HIKESHI: variants seen among roughly 807,000 people sequenced by gnomAD.
The protein encoded by HIKESHI is heat shock protein nuclear import factor hikeshi.
HIKESHI carries 13 observed loss-of-function variants against 25.7 expected under a neutral mutation model. The ratio of observed to expected loss-of-function variants is 0.51; its 90% CI spans 0.33 to 0.80. HIKESHI has a LOEUF of 0.80. Ranked by LOEUF, HIKESHI falls within the 30% of genes least tolerant of loss-of-function variation. The pLI is 0.02. For synonymous variants in HIKESHI, 76 were observed against 78.7 expected (o/e 0.97, Z 0.18); for missense variants, 174 against 229.5 (o/e 0.76, Z 1.56).
Position 86,306,478 on chromosome 11 carries a change from A to G in HIKESHI, c.264A>G (p.Lys88=). ...CCATCTTCAAAATTTCAGGTCTTAA[A>G]TCTGGTAAGAATAATATATTAAAGT... The part of the protein sequence containing the change: ...PSAIFKISGL[K]SGEGSQHPFG... Residue 88 remains lysine, a synonymous_variant, in exon 2 of 5, where the codon AAA becomes AAG. Transcript: ENST00000278483. 1 of 1,571,816 alleles carries G rather than the reference A, an allele frequency of 6.4e-7. No individual in the cohort carries two copies. Among genetic ancestry groups the G allele is most frequent in the East Asian group, 2.2e-5 (1 of 44,652 alleles).
chr11:86,338,218 C>T (rs1436021807), intron 3 of HIKESHI, among the ~76,000 whole-genome samples: 3 of 152,226 alleles, frequency 2.0e-5, no homozygotes, highest in East Asian at 3.9e-4. Context: ...CATCATTCTA[C>T]TGTCTGCTTC....
At chr11:86,331,328 A>C (rs543467698) in intron 2 of HIKESHI, among the ~76,000 whole-genome samples, 1 of 152,232 alleles carries the variant, frequency 6.6e-6, no homozygotes, top group African/African-American at 2.4e-5. Context: ...ATGTCTACTA[A>C]AAATACAAAA....
At chr11:86,342,817 C>T (rs1053702013) in intron 3 of HIKESHI, among the ~76,000 whole-genome samples, 5 of 151,392 alleles carry the variant, frequency 3.3e-5, no homozygotes, top group African/African-American at 9.7e-5. Flanking sequence ...GTTTATTTGC[C>T]TGTCTCTTTG....
intron 2 of HIKESHI, among the ~76,000 whole-genome samples, chr11:86,328,473 CG>C (rs569934341): frequency 2.4e-4 from 36 of 150,798 alleles, no homozygotes; most frequent in African/African-American, 8.3e-4. Context: ...GCTCTGTTGC[CG>C]AGGCTGGTGT....
intron 2 of HIKESHI, among the ~76,000 whole-genome samples, chr11:86,337,044 T>C (rs894181161): frequency 1.1e-4 from 16 of 152,196 alleles, no homozygotes; most frequent in Admixed American, 2.0e-4. Context: ...AAGTCATTGC[T>C]GGCAGACCTG....
intron 2 of HIKESHI, among the ~76,000 whole-genome samples, chr11:86,325,184 A>C (rs1947242764): frequency 6.6e-6 from 1 of 152,110 alleles, no homozygotes; most frequent in African/African-American, 2.4e-5. Context: ...TCTCAAAAAA[A>C]AAGGAAAAAA....
chr11:86,303,002 A>C (rs769193304), intron 1 of HIKESHI, among the ~76,000 whole-genome samples: 5 of 152,200 alleles, frequency 3.3e-5, no homozygotes, highest in Non-Finnish European at 7.3e-5. Context: ...AGTAAAAATA[A>C]GCTTAATTTA....
In HIKESHI at chr11:86,328,903, GTT is replaced by G. The variant is rs1331135355; in HGVS notation, c.269-8473_269-8472del. 1.3e-4 allele frequency among the ~76,000 whole-genome samples: 15 copies of G among 112,366 alleles called. No individual in the cohort carries two copies. In the East Asian group the frequency reaches 4.8e-3, roughly 36 times the overall value. The allele number at this position is 112,366 out of a possible 152,430, so 73.7% of individuals were successfully genotyped here. ...CACATTTCTTTCCATTGTGTTTTGTGTTTTGTGTGTGTGTGTGTGTGTGTGCG... is the reference window on the plus strand; with the variant it reads ...CACATTTCTTTCCATTGTGTTTTGTGTTGTGTGTGTGTGTGTGTGTGTGCG... On this transcript the variant is annotated intron_variant, in intron 2 of 4. Coordinates refer to ENST00000278483, the MANE Select transcript of HIKESHI (RefSeq NM_016401.4).
At chr11:86,327,955 T>A (rs1947325259) in intron 2 of HIKESHI, among the ~76,000 whole-genome samples, 1 of 152,154 alleles carries the variant, frequency 6.6e-6, no homozygotes. Flanking sequence ...GGGTAATGGA[T>A]CATGATTGTC....
chr11:86,313,969 AAGAT>A (rs1946904475), intron 2 of HIKESHI, among the ~76,000 whole-genome samples: 1 of 152,186 alleles, frequency 6.6e-6, no homozygotes, highest in African/African-American at 2.4e-5. Context: ...ATATGTGAGA[AAGAT>A]AGGCATGGAT....
chr11:86,342,992 A>G (rs561676785), intron 3 of HIKESHI, among the ~76,000 whole-genome samples: 3 of 152,312 alleles, frequency 2.0e-5, no homozygotes, highest in Admixed American at 2.0e-4. Flanking sequence ...TTTGTTGGTA[A>G]TAACATTGGA....
intron 2 of HIKESHI, chr11:86,324,226 A>G (rs1336320052): frequency 2.0e-5 from 3 of 152,176 alleles, no homozygotes; most frequent in Non-Finnish European, 2.9e-5. Context: ...GTGCACTACA[A>G]CCTAGAACTC....
chr11:86,319,309 C>T (rs1233942060), intron 2 of HIKESHI, among the ~76,000 whole-genome samples: 3 of 145,096 alleles, frequency 2.1e-5, no homozygotes, highest in African/African-American at 7.7e-5. Flanking sequence ...AAGATTTCAG[C>T]TCACTGCAGC....
At chr11:86,322,618 G>C (rs1947180235) in intron 2 of HIKESHI, among the ~76,000 whole-genome samples, 1 of 151,858 alleles carries the variant, frequency 6.6e-6, no homozygotes, top group South Asian at 2.1e-4. Flanking sequence ...TTTAAATTTT[G>C]ATGAAGTCTA....
At chr11:86,337,287 A>G (rs1195420837) in intron 2 of HIKESHI, 92 bp from the exon 3 acceptor site, 45 of 1,235,774 alleles carry the variant, frequency 3.6e-5, no homozygotes, top group Non-Finnish European at 4.9e-5. Context: ...TTTTTCATGT[A>G]TATAAATTAG....
intron 2 of HIKESHI, among the ~76,000 whole-genome samples, chr11:86,325,797 G>A (rs956094468): frequency 2.6e-5 from 4 of 151,874 alleles, no homozygotes; most frequent in African/African-American, 9.7e-5. Flanking sequence ...GCTTGAACCC[G>A]GGAGGCGGAG....
intron 2 of HIKESHI, among the ~76,000 whole-genome samples, chr11:86,328,427 G>GTT (rs1323519457): frequency 2.5e-4 from 34 of 137,016 alleles, no homozygotes; most frequent in African/African-American, 5.5e-4. Flanking sequence ...CGCAGCTAAT[G>GTT]TTTTTTGTTT....
At chr11:86,322,802 T>A (rs1403227196) in intron 2 of HIKESHI, among the ~76,000 whole-genome samples, 3 of 152,188 alleles carry the variant, frequency 2.0e-5, no homozygotes, top group East Asian at 3.9e-4. Flanking sequence ...GTCAAAAAAA[T>A]TTTTTTTGGC....
intron 2 of HIKESHI, among the ~76,000 whole-genome samples, chr11:86,319,991 A>C (rs1947108276): frequency 6.6e-6 from 1 of 152,110 alleles, no homozygotes; most frequent in South Asian, 2.1e-4. Context: ...TTGCATATCT[A>C]CTGTTTTGTT....
Sources: allele counts gnomAD v4.1 joint callset (sites outside exome capture counted in the v4.1 genomes callset), GRCh38; gene constraint gnomAD v4.1.1; transcripts MANE v1.5; gene names NCBI Gene and HGNC (gene_info 2026-07-23, HGNC 2026-07-21).